YIPF1: variants seen among roughly 807,000 people sequenced by gnomAD.
The protein encoded by YIPF1 is Yip1 domain family member 1.
YIPF1 carries 22 observed loss-of-function variants against 37.0 expected under a neutral mutation model. That is an observed-to-expected ratio of 0.59 (90% CI 0.42 to 0.85). The LOEUF (loss-of-function observed/expected upper bound fraction) is 0.85, where lower values mean the gene tolerates loss of function less well. YIPF1 is among the 40% of genes least tolerant of loss of function. The pLI is 0.00. For missense variants in YIPF1, 355 were observed against 373.1 expected (o/e 0.95, Z 0.40); for synonymous variants, 128 against 131.9 (o/e 0.97, Z 0.21).
At chr1:53,879,483 T>G (rs1345448164) in intron 4 of YIPF1, among the ~76,000 whole-genome samples, 1 of 150,258 alleles carries the variant, frequency 6.7e-6, no homozygotes, top group Non-Finnish European at 1.5e-5. Context: ...TGACTCACTC[T>G]AAAGTACTAA....
chr1:53,864,648 T>G (rs539396104), intron 9 of YIPF1, among the ~76,000 whole-genome samples: 2 of 152,358 alleles, frequency 1.3e-5, no homozygotes, highest in East Asian at 3.9e-4. Flanking sequence ...CCATGTGGAC[T>G]AAGACACCTT....
Position 53,883,130 on chromosome 1 carries a change from C to A in YIPF1, c.178G>T (p.Asp60Tyr). 6.3e-7 allele frequency: 1 copy of A among 1,577,114 alleles called. No individual in the cohort carries two copies. The highest frequency in any genetic ancestry group is 1.4e-5 in the African/African-American group (1 of 72,670). ...EEDDELLGND[D>Y]SDKTELLAGQ... Reference sequence around the variant, plus strand: ...GTTCAAACCTCAGTTTTGTCAGAGTCATCATTTCCCAGTAACTCATCATCT... The same window carrying A: ...GTTCAAACCTCAGTTTTGTCAGAGTAATCATTTCCCAGTAACTCATCATCT... Residue 60 changes from aspartate to tyrosine, a missense_variant, in exon 4 of 11, where the codon GAC becomes TAC. Asp to Tyr is a radical substitution (Grantham distance 160). Coordinates refer to ENST00000072644, the MANE Select transcript of YIPF1 (RefSeq NM_018982.5).
intron 7 of YIPF1, among the ~76,000 whole-genome samples, chr1:53,871,162 A>G (rs1181607800): frequency 6.6e-6 from 1 of 152,154 alleles, no homozygotes. Context: ...TTTATGTAAT[A>G]TATATTTTAC....
rs199845580 is a variant in YIPF1, at chr1:53,874,147, C to CA, written c.365-2660dup. ...TCACTGAACCTCCACTGCTTAAGGA[C>CA]AAAATCCTAATTCCTGAGGCTGATA... is the stretch of plus-strand genomic sequence containing the variant. On this transcript the variant is annotated intron_variant, in intron 6 of 10. Transcript: ENST00000072644. Among the ~76,000 whole-genome samples, 1,107 of 152,198 alleles carry CA rather than the reference C, an allele frequency of 7.3e-3. 11 individuals are homozygous for CA. Among genetic ancestry groups the CA allele is most frequent in the African/African-American group, 0.026 (1,065 of 41,506 alleles).
At chr1:53,865,499 A>T (rs1421459620) in intron 9 of YIPF1, among the ~76,000 whole-genome samples, 1 of 152,228 alleles carries the variant, frequency 6.6e-6, no homozygotes, top group Non-Finnish European at 1.5e-5. Context: ...GAAATGATGT[A>T]AAGCACATAG....
intron 6 of YIPF1, among the ~76,000 whole-genome samples, chr1:53,875,698 G>T (rs538159252): frequency 6.6e-6 from 1 of 152,114 alleles, no homozygotes; most frequent in South Asian, 2.1e-4. Context: ...GCCTCTTGAG[G>T]TTCTTTGAAT....
intron 3 of YIPF1, among the ~76,000 whole-genome samples, chr1:53,884,364 C>T (rs1650585197): frequency 6.6e-6 from 1 of 151,974 alleles, no homozygotes; most frequent in Non-Finnish European, 1.5e-5. Flanking sequence ...GATGATCATT[C>T]ATTTATTCAA....
chr1:53,878,672 G>C lies in YIPF1; in HGVS notation c.246C>G (p.Tyr82Ter), dbSNP rs1650400441. 6.2e-7 allele frequency: 1 copy of C among 1,601,866 alleles called. No homozygotes were observed. Among genetic ancestry groups the C allele is most frequent in the African/African-American group, 1.4e-5 (1 of 74,018 alleles). The change falls in exon 5 of 11, where the codon TAC becomes TAG. Residue 82 changes from tyrosine (Y) to a stop codon, truncating the protein, a stop_gained. Transcript: ENST00000072644. LOFTEE classifies it high-confidence loss of function. ...KSSPFWTFEY[Y>*]QTFFDVDTYQ... ...AGGTGTCCACATCAAAGAATGTTTG[G>C]TAGTATTCAAATGTCCAGAAGGGGG...
At chr1:53,868,921 T>C (rs1234099596) in intron 7 of YIPF1, among the ~76,000 whole-genome samples, 1 of 152,216 alleles carries the variant, frequency 6.6e-6, no homozygotes, top group Non-Finnish European at 1.5e-5. Flanking sequence ...ATGTACTGTT[T>C]ACAGCAATAG....
At chr1:53,852,635 T>TA in intron 10 of YIPF1, among the ~76,000 whole-genome samples, 1 of 152,146 alleles carries the variant, frequency 6.6e-6, no homozygotes, top group African/African-American at 2.4e-5. Context: ...TGGAGGGACT[T>TA]AAAGATCTGG....
chr1:53,879,541 C>T (rs74965906), intron 4 of YIPF1, among the ~76,000 whole-genome samples: 3,813 of 152,168 alleles, frequency 0.025, 170 homozygotes, highest in African/African-American at 0.088. Flanking sequence ...AGAAGAGGCA[C>T]CTGAGGAGGG....
intron 7 of YIPF1, 46 bp from the exon 8 acceptor site, chr1:53,866,970 T>C (rs1346073321): frequency 4.8e-5 from 76 of 1,573,132 alleles, no homozygotes; most frequent in Non-Finnish European, 6.3e-5. Flanking sequence ...ATGCCTTTAG[T>C]AGACTATCAG....
At chr1:53,853,109 TTTC>T (rs1649637098) in intron 10 of YIPF1, among the ~76,000 whole-genome samples, 1 of 152,154 alleles carries the variant, frequency 6.6e-6, no homozygotes, top group Non-Finnish European at 1.5e-5. Flanking sequence ...ACTGGATGGA[TTTC>T]TTAATTAATC....
chr1:53,872,138 T>C (rs114565158), intron 6 of YIPF1, among the ~76,000 whole-genome samples: 10 of 151,794 alleles, frequency 6.6e-5, no homozygotes, highest in East Asian at 3.9e-4. Flanking sequence ...AAGTAATATA[T>C]GTATATGGTC....
At chr1:53,881,458 G>C (rs541600073) in intron 4 of YIPF1, among the ~76,000 whole-genome samples, 5 of 152,050 alleles carry the variant, frequency 3.3e-5, no homozygotes, top group Non-Finnish European at 5.9e-5. Context: ...GAAAATTTTT[G>C]CAATCTATCC....
At chr1:53,853,280 C>A (rs1367615973) in intron 10 of YIPF1, among the ~76,000 whole-genome samples, 1 of 152,048 alleles carries the variant, frequency 6.6e-6, no homozygotes, top group Non-Finnish European at 1.5e-5. Flanking sequence ...ACTTGCCAGG[C>A]GAGGGTGTAA....
intron 7 of YIPF1, among the ~76,000 whole-genome samples, chr1:53,870,160 CTTTTTTTTTTTTTT>C (rs753978320): frequency 1.4e-4 from 13 of 91,198 alleles, no homozygotes; most frequent in African/African-American, 4.4e-4. Flanking sequence ...CACCGGGTCT[CTTTTTTTTTTTTTT>C]TTTTTTTTTT....
intron 10 of YIPF1, among the ~76,000 whole-genome samples, chr1:53,858,184 T>G (rs1269859766): frequency 2.0e-5 from 3 of 152,012 alleles, no homozygotes; most frequent in Non-Finnish European, 1.5e-5. Flanking sequence ...CGCATACCCA[T>G]GAGAAGAGAG....
At chr1:53,867,562 C>T (rs1569619369) in intron 7 of YIPF1, among the ~76,000 whole-genome samples, 1 of 151,884 alleles carries the variant, frequency 6.6e-6, no homozygotes, top group Admixed American at 6.6e-5. Context: ...TTAGTAGAGA[C>T]GGGGTTTCAC....
Sources: allele counts gnomAD v4.1 joint callset (sites outside exome capture counted in the v4.1 genomes callset), GRCh38; gene constraint gnomAD v4.1.1; transcripts MANE v1.5; gene names NCBI Gene and HGNC (gene_info 2026-07-23, HGNC 2026-07-21).